The following CPSF7 variants were observed in gnomAD, a reference collection of about 807,000 sequenced individuals.
CPSF7 encodes the protein cleavage and polyadenylation specific factor 7, also known as cleavage and polyadenylation specificity factor subunit 7.
A neutral mutation model predicts 44.3 loss-of-function variants in CPSF7; 1 was observed. The ratio of observed to expected loss-of-function variants is 0.02; its 90% confidence interval spans 0.01 to 0.11. The LOEUF (loss-of-function observed/expected upper bound fraction) is 0.11, where lower values mean the gene tolerates loss of function less well. CPSF7 is among the 10% of genes least tolerant of loss of function. The pLI is 1.00. For missense variants in CPSF7, 443 were observed against 607.2 expected (o/e 0.73, Z 2.84); for synonymous variants, 202 against 222.0 (o/e 0.91, Z 0.80).
chr11:61,416,721 G>A (rs998232164), intron 5 of CPSF7, among the ~76,000 whole-genome samples: 7 of 152,064 alleles, frequency 4.6e-5, no homozygotes, highest in Non-Finnish European at 7.4e-5. Context: ...AAACAATATC[G>A]TCCTAAATCC....
At chr11:61,413,658 C>T (rs957850375) in intron 7 of CPSF7, among the ~76,000 whole-genome samples, 3 of 151,564 alleles carry the variant, frequency 2.0e-5, no homozygotes, top group Admixed American at 6.6e-5. Context: ...AAAATTTATG[C>T]TGTCATAAAA....
intron 1 of CPSF7, 131 bp downstream of exon 1, chr11:61,429,783 C>T: frequency 6.5e-7 from 1 of 1,548,188 alleles, no homozygotes; most frequent in Non-Finnish European, 8.7e-7. Flanking sequence ...TGCCTCCTCC[C>T]TCAAAAGGCC....
chr11:61,425,093 T>C (rs537285394), intron 2 of CPSF7, among the ~76,000 whole-genome samples: 12 of 152,212 alleles, frequency 7.9e-5, no homozygotes, highest in Admixed American at 2.6e-4. Flanking sequence ...AACAAAAGGA[T>C]TGAATGAATA....
At chr11:61,417,097 A>G (rs1301597929) in intron 5 of CPSF7, among the ~76,000 whole-genome samples, 2 of 152,188 alleles carry the variant, frequency 1.3e-5, no homozygotes, top group African/African-American at 4.8e-5. Flanking sequence ...ACACATGAAG[A>G]CTAGACAACT....
chr11:61,429,327 C>A (rs751816649), intron 1 of CPSF7, 37 bp from the exon 2 acceptor site: 1 of 1,260,356 alleles, frequency 7.9e-7, no homozygotes, highest in Non-Finnish European at 1.2e-6. Context: ...TTAGAAGGCA[C>A]GAGGGTCCTG....
chr11:61,427,905 G>A (rs1861541473), intron 2 of CPSF7, among the ~76,000 whole-genome samples: 1 of 152,096 alleles, frequency 6.6e-6, no homozygotes, highest in Non-Finnish European at 1.5e-5. Flanking sequence ...AAAAATAAAT[G>A]GCATGTATCC....
chr11:61,427,484 C>G (rs1171733192), intron 2 of CPSF7, among the ~76,000 whole-genome samples: 4 of 151,906 alleles, frequency 2.6e-5, no homozygotes, highest in Non-Finnish European at 5.9e-5. Flanking sequence ...GAAACCCCGT[C>G]TCTACTAAAA....
At chr11:61,411,133 CAGA>C in intron 8 of CPSF7, 28 bp from the exon 9 acceptor site, 3 of 1,579,448 alleles carry the variant, frequency 1.9e-6, no homozygotes, top group Non-Finnish European at 2.6e-6. Context: ...CAGCCTCACT[CAGA>C]AGGCCTACCA....
intron 2 of CPSF7, among the ~76,000 whole-genome samples, chr11:61,422,410 C>G (rs1277443027): frequency 6.6e-6 from 1 of 151,938 alleles, no homozygotes; most frequent in Non-Finnish European, 1.5e-5. Flanking sequence ...ACCTCCTGGG[C>G]TCATGTGATC....
chr11:61,410,863 G>T (rs1335628157), intron 9 of CPSF7, 75 bp downstream of exon 9: 3 of 1,426,538 alleles, frequency 2.1e-6, no homozygotes, highest in Non-Finnish European at 9.4e-7. Context: ...TTGCTTTAAA[G>T]AGAGAGAATT....
chr11:61,425,359 A>C (rs1484188301), intron 2 of CPSF7, among the ~76,000 whole-genome samples: 1 of 152,234 alleles, frequency 6.6e-6, no homozygotes, highest in African/African-American at 2.4e-5. Context: ...CAAATTCTAC[A>C]AATTAAGTGA....
intron 2 of CPSF7, among the ~76,000 whole-genome samples, chr11:61,421,834 G>A (rs12294238): frequency 6.6e-6 from 1 of 152,046 alleles, no homozygotes; most frequent in Admixed American, 6.5e-5. Flanking sequence ...AGTCTGTAAA[G>A]TTTCTGGCTT....
intron 3 of CPSF7, 26 bp downstream of exon 3, chr11:61,421,364 A>C (rs1248652148): frequency 6.3e-7 from 1 of 1,595,038 alleles, no homozygotes; most frequent in East Asian, 2.2e-5. Context: ...GCCCACCCCT[A>C]AGCATTTTTG....
At chr11:61,420,354 A>C in intron 4 of CPSF7, 116 bp downstream of exon 4, 1 of 958,926 alleles carries the variant, frequency 1.0e-6, no homozygotes, top group East Asian at 2.4e-5. Context: ...TGCCAAAACC[A>C]AGGCAGTAAG....
rs1859798325 is a variant in CPSF7, at chr11:61,410,960, G to A, written c.1372C>T (p.Arg458Trp). The change falls in exon 9 of 10, where the codon CGG becomes TGG. Residue 458 changes from arginine to tryptophan, a missense_variant. Coordinates refer to ENST00000439958, the MANE Select transcript of CPSF7 (RefSeq NM_001142565.3). ...CACCTTTCTCAGTGGTGCCGGTCCC[G>A]TTCTCTATCCCGGTGTCTCTCATGC... ...REHERHRDRE[R>W]DRHH 3.7e-6 allele frequency: 6 copies of A among 1,611,184 alleles called. No individual in the cohort carries two copies. Among genetic ancestry groups the A allele is most frequent in the Non-Finnish European group, 5.1e-6 (6 of 1,179,130 alleles).
rs1860352211 is a variant in CPSF7 at position 61,416,494 on chromosome 11, T to C, written c.549A>G (p.Arg183=). Residue 183 remains arginine, a synonymous_variant, in exon 6 of 10, where the codon CGA becomes CGG. Transcript: ENST00000439958. ...GTCCATCAGCAGAATCACTAGAATCTCGGGAATGGGCCCGTGGAGGTATTC... is the reference window on the plus strand; with the variant it reads ...GTCCATCAGCAGAATCACTAGAATCCCGGGAATGGGCCCGTGGAGGTATTC... The part of the protein sequence containing the change: ...RKRIPPRAHS[R]DSSDSADGRA... 6.2e-7 allele frequency: 1 copy of C among 1,614,078 alleles called. No individual in the cohort carries two copies. Among genetic ancestry groups the C allele is most frequent in the Non-Finnish European group, 8.5e-7 (1 of 1,180,000 alleles).
Position 61,421,627 on chromosome 11 carries a change from G to A in CPSF7, c.55-19C>T. 4.5e-6 allele frequency: 7 copies of A among 1,566,422 alleles called. No homozygotes were observed. In the Middle Eastern group the frequency reaches 6.3e-4, roughly 141 times the overall value. ...CTGGGTCCTAAGAGATGAGGGGTTG[G>A]CAAAGGTAGGTCTGCAAACTTCATT... On this transcript the variant is annotated intron_variant, in intron 2 of 9. Coordinates refer to ENST00000439958, the MANE Select transcript of CPSF7 (RefSeq NM_001142565.3).
chr11:61,427,052 A>AAAAAAAAAG (rs138052480), intron 2 of CPSF7: 1 of 106,576 alleles, frequency 9.4e-6, no homozygotes, highest in Non-Finnish European at 1.9e-5. Context: ...AAAAAAAAAA[A>AAAAAAAAAG]GAGAAGAACT....
chr11:61,414,684 T>C (rs1322046699), intron 7 of CPSF7, among the ~76,000 whole-genome samples: 2 of 152,234 alleles, frequency 1.3e-5, no homozygotes, highest in Non-Finnish European at 2.9e-5. Context: ...GAAGTGAATA[T>C]GGCTAATGTC....
Sources: allele counts gnomAD v4.1 joint callset (sites outside exome capture counted in the v4.1 genomes callset), GRCh38; gene constraint gnomAD v4.1.1; transcripts MANE v1.5; gene names NCBI Gene and HGNC (gene_info 2026-07-23, HGNC 2026-07-21).